HS6ST2: variants seen among roughly 807,000 people sequenced by gnomAD.
HS6ST2 encodes the protein heparan-sulfate 6-O-sulfotransferase 2.
Under a neutral mutation model 33.0 loss-of-function variants are expected in HS6ST2, and 17 were observed. The observed-to-expected ratio is 0.52, with a 90% CI of 0.35 to 0.77. HS6ST2 has a LOEUF of 0.77. HS6ST2 is among the 30% of genes least tolerant of loss of function. The pLI is 0.01. For missense variants in HS6ST2, 519 were observed against 551.7 expected (o/e 0.94, Z 0.59); for synonymous variants, 248 against 237.1 (o/e 1.05, Z -0.42).
At chrX:132,881,716 T>A (rs1428877415) in intron 2 of HS6ST2, among the ~76,000 whole-genome samples, 2 of 111,436 alleles carry the variant, frequency 1.8e-5, no homozygotes, top group African/African-American at 6.5e-5. Flanking sequence ...ATGTCCTGAA[T>A]GGTATTGTCT....
chrX:132,737,050 C>T (rs2064516353), intron 2 of HS6ST2, among the ~76,000 whole-genome samples: 2 of 111,918 alleles, frequency 1.8e-5, no homozygotes, highest in African/African-American at 6.5e-5. Flanking sequence ...AATGCTTGAG[C>T]TGTAAGGTAC....
intron 2 of HS6ST2, among the ~76,000 whole-genome samples, chrX:132,939,250 G>T (rs1476662633): frequency 9.0e-6 from 1 of 111,260 alleles, no homozygotes; most frequent in Admixed American, 9.7e-5. Flanking sequence ...TTTGTATACA[G>T]AAAATCTTGA....
At position 132,669,141 on chromosome X, in the gene HS6ST2, T is replaced by C; in HGVS notation, c.1039A>G (p.Lys347Glu). Reference protein sequence around the residue: ...NAGANSPSSTKTRNTSKSGKN... With the variant: ...NAGANSPSSTETRNTSKSGKN... Reference sequence around the variant, plus strand: ...CCACTCTTAGATGTGTTCCGGGTCTTTGTGGATGACGGAGAGTTGGCGCCT... The same window carrying C: ...CCACTCTTAGATGTGTTCCGGGTCTCTGTGGATGACGGAGAGTTGGCGCCT... Residue 347 changes from lysine to glutamate, a missense_variant, in exon 4 of 5, where the codon AAG (lysine) becomes GAG (glutamate). Coordinates refer to ENST00000370833, the MANE Select transcript of HS6ST2 (RefSeq NM_001394073.1). 8.3e-7 allele frequency: 1 copy of C among 1,208,411 alleles called. No individual in the cohort carries two copies. The highest frequency in any genetic ancestry group is 1.1e-6 in the Non-Finnish European group (1 of 892,581).
chrX:132,802,127 T>C (rs1602693015), intron 2 of HS6ST2, among the ~76,000 whole-genome samples: 1 of 112,107 alleles, frequency 8.9e-6, no homozygotes, highest in African/African-American at 3.2e-5. Flanking sequence ...AATGAAGGCA[T>C]GTGTCAAAGG....
intron 2 of HS6ST2, among the ~76,000 whole-genome samples, chrX:132,930,794 CA>C (rs1230808862): frequency 7.2e-5 from 8 of 111,545 alleles, no homozygotes; most frequent in Non-Finnish European, 1.3e-4. Context: ...ACCTAAATAA[CA>C]ACACAAATGC....
At position 132,941,566 on chromosome X, in the gene HS6ST2, T is replaced by C. The variant is rs142373478; in HGVS notation, c.947+15242A>G. On this transcript the variant is annotated intron_variant, in intron 2 of 4. Transcript: ENST00000370833. The stretch of plus-strand genomic sequence containing the variant: ...CATAAACCAAAAAGCATGGGAACAA[T>C]TGGATTAAGAAAGCAAGTGTTCTTT... Among the ~76,000 whole-genome samples the C allele has an allele frequency of 3.3e-3, 366 of 112,305 alleles. 2 individuals are homozygous for C. The highest frequency in any genetic ancestry group is 0.011 in the African/African-American group (343 of 30,965).
chrX:132,762,817 T>A (rs935586564), intron 2 of HS6ST2, among the ~76,000 whole-genome samples: 3 of 111,353 alleles, frequency 2.7e-5, no homozygotes. Context: ...ATTCTTAATG[T>A]TTTTGGAAAG....
At chrX:132,823,698 A>G (rs1235749095) in intron 2 of HS6ST2, among the ~76,000 whole-genome samples, 3 of 65,653 alleles carry the variant, frequency 4.6e-5, no homozygotes, top group African/African-American at 7.5e-5. Flanking sequence ...TCCACTAAAA[A>G]TACAAAAAAA....
At chrX:132,809,518 C>T (rs763803459) in intron 2 of HS6ST2, among the ~76,000 whole-genome samples, 1 of 112,079 alleles carries the variant, frequency 8.9e-6, no homozygotes, top group Admixed American at 9.5e-5. Context: ...CTTTCCTGAG[C>T]TCAGGCATTA....
intron 2 of HS6ST2, among the ~76,000 whole-genome samples, chrX:132,905,747 C>G (rs1272043757): frequency 9.0e-6 from 1 of 111,656 alleles, no homozygotes; most frequent in Non-Finnish European, 1.9e-5. Flanking sequence ...GACCCCATCT[C>G]TATATTAAAA....
chrX:132,669,091 A>G (rs2063835311), intron 4 of HS6ST2, 22 bp downstream of exon 4: 8 of 1,063,200 alleles, frequency 7.5e-6, no homozygotes, highest in Non-Finnish European at 1.0e-5. Flanking sequence ...TGTCAGATGT[A>G]CAGGAGCACT....
intron 2 of HS6ST2, among the ~76,000 whole-genome samples, chrX:132,936,830 C>T (rs979219978): frequency 1.1e-4 from 12 of 107,344 alleles, no homozygotes; most frequent in African/African-American, 3.4e-4. Context: ...AACAAACCTG[C>T]GCATGTACAC....
intron 2 of HS6ST2, among the ~76,000 whole-genome samples, chrX:132,812,583 T>G (rs190831684): frequency 0.055 from 5,484 of 99,962 alleles, 151 homozygotes; most frequent in Non-Finnish European, 0.084. Context: ...TTTTTTTTTT[T>G]GGGGGGGGGA....
chrX:132,924,320 T>C (rs79857142), intron 2 of HS6ST2, among the ~76,000 whole-genome samples: 142 of 112,137 alleles, frequency 1.3e-3, no homozygotes, highest in Non-Finnish European at 2.1e-3. Flanking sequence ...GTCACAGCAT[T>C]TGACACATTT....
intron 2 of HS6ST2, among the ~76,000 whole-genome samples, chrX:132,801,262 C>T (rs1220754365): frequency 9.1e-6 from 1 of 109,687 alleles, no homozygotes; most frequent in Non-Finnish European, 1.9e-5. Flanking sequence ...CGTCACTGCA[C>T]TCCAGCCTGG....
At chrX:132,634,541 A>G (rs937200925) in intron 4 of HS6ST2, among the ~76,000 whole-genome samples, 5 of 112,047 alleles carry the variant, frequency 4.5e-5, no homozygotes, top group Non-Finnish European at 9.4e-5. Context: ...CAGGCACTAC[A>G]CAGTTAAAGG....
chrX:132,666,667 A>G (rs1438361568), intron 4 of HS6ST2, among the ~76,000 whole-genome samples: 1 of 111,472 alleles, frequency 9.0e-6, no homozygotes, highest in Non-Finnish European at 1.9e-5. Flanking sequence ...TTTAGCCATG[A>G]TGCATATTTG....
chrX:132,874,536 A>G (rs1463081485), intron 2 of HS6ST2, among the ~76,000 whole-genome samples: 5 of 111,807 alleles, frequency 4.5e-5, no homozygotes, highest in African/African-American at 1.6e-4. Flanking sequence ...AGATCATGCC[A>G]CTGCACTCCA....
chrX:132,849,980 G>C (rs1190244459), intron 2 of HS6ST2, among the ~76,000 whole-genome samples: 1 of 111,882 alleles, frequency 8.9e-6, no homozygotes, highest in Non-Finnish European at 1.9e-5. Context: ...AGCATGAAAC[G>C]AAAACATAAG....
Sources: gnomAD v4.1 joint callset for allele counts (sites outside exome capture counted in the v4.1 genomes callset) on GRCh38, gnomAD v4.1.1 for gene constraint, MANE v1.5 for transcripts, NCBI Gene and HGNC (gene_info 2026-07-23, HGNC 2026-07-21) for gene names.